The following DPP6 variants were observed in gnomAD, a reference collection of about 807,000 sequenced individuals.
DPP6 encodes the protein A-type potassium channel modulatory protein DPP6.
Under a neutral mutation model 122.6 loss-of-function variants are expected in DPP6, and 69 were observed. That is an observed-to-expected ratio of 0.56 (90% CI 0.46 to 0.69). DPP6 has a LOEUF of 0.69. Ranked by LOEUF, DPP6 falls within the 30% of genes least tolerant of loss-of-function variation. The pLI, the probability that DPP6 is intolerant of heterozygous loss-of-function variation, is 0.00. For synonymous variants in DPP6, 418 were observed against 433.1 expected, an observed-to-expected ratio of 0.97 and a Z score of 0.43; for missense variants, 928 against 1,116.9, an observed-to-expected ratio of 0.83 and a Z score of 2.41.
Position 154,807,129 on chromosome 7 carries a change from C to T in DPP6, c.1666+17C>T, listed in dbSNP as rs904000477. 6.2e-7 allele frequency: 1 copy of T among 1,610,620 alleles called. No homozygotes were observed. Among genetic ancestry groups the T allele is most frequent in the Non-Finnish European group, 8.5e-7 (1 of 1,179,340 alleles). On this transcript the variant is annotated intron_variant, in intron 16 of 25. Coordinates refer to ENST00000377770, the MANE Select transcript of DPP6 (RefSeq NM_130797.4). ...AGTGCGAAGGTCAGCTCCTGCCACC[C>T]CGTCAGGGCAAAGAGCCCTGGCAGG...
At chr7:154,469,010 C>G (rs939784218) in intron 2 of DPP6, among the ~76,000 whole-genome samples, 5 of 152,172 alleles carry the variant, frequency 3.3e-5, no homozygotes, top group African/African-American at 1.2e-4. Context: ...CAAATGCTCT[C>G]TTCATTCAAA....
chr7:154,786,178 T>G (rs971914383), intron 10 of DPP6, among the ~76,000 whole-genome samples: 1 of 152,216 alleles, frequency 6.6e-6, no homozygotes, highest in African/African-American at 2.4e-5. Flanking sequence ...AGGAAGTAAA[T>G]TTTCTGAATT....
chr7:153,760,100 A>T, the DPP6 span, among the ~76,000 whole-genome samples: 2 of 151,732 alleles, frequency 1.3e-5, no homozygotes, highest in Non-Finnish European at 2.9e-5. Flanking sequence ...CTCATTTTTA[A>T]ATTTATCTTT....
At chr7:154,383,886 T>C (rs1813849898) in intron 1 of DPP6, among the ~76,000 whole-genome samples, 1 of 75,368 alleles carries the variant, frequency 1.3e-5, no homozygotes. Context: ...TGAGACTCTG[T>C]CTCCAAAAAA....
chr7:154,036,225 C>A (rs1433479122), intron 1 of DPP6, among the ~76,000 whole-genome samples: 1 of 149,866 alleles, frequency 6.7e-6, no homozygotes. Flanking sequence ...ATTCTCCTGC[C>A]TCAGCCTTGC....
intron 3 of DPP6, among the ~76,000 whole-genome samples, chr7:154,535,125 A>T (rs1456879757): frequency 6.6e-6 from 1 of 152,186 alleles, no homozygotes; most frequent in Non-Finnish European, 1.5e-5. Context: ...GGAAAAAGAC[A>T]ATCTTTTCAA....
At chr7:154,415,524 A>C (rs781324956) in intron 1 of DPP6, among the ~76,000 whole-genome samples, 1 of 152,034 alleles carries the variant, frequency 6.6e-6, no homozygotes, top group Non-Finnish European at 1.5e-5. Flanking sequence ...TCTGCGGTAC[A>C]AGTGGCTATG....
intron 1 of DPP6, among the ~76,000 whole-genome samples, chr7:154,108,537 G>T (rs1333926688): frequency 6.6e-6 from 1 of 152,158 alleles, no homozygotes; most frequent in Non-Finnish European, 1.5e-5. Flanking sequence ...ATCCTTCCAT[G>T]CCCCATGCGG....
chr7:154,547,971 G>A (rs2130342984), intron 4 of DPP6, among the ~76,000 whole-genome samples: 1 of 152,282 alleles, frequency 6.6e-6, no homozygotes, highest in East Asian at 1.9e-4. Context: ...CACTTTGGGA[G>A]GCCGAGGCGG....
chr7:154,051,170 G>A (rs1191290550), upstream of DPP6, among the ~76,000 whole-genome samples: 2 of 124,480 alleles, frequency 1.6e-5, 1 homozygote, highest in African/African-American at 6.0e-5. Context: ...GAAGGAGCAG[G>A]GAGCCTTAGG....
At chr7:153,911,144 G>C (rs962189203) in intron 1 of DPP6, among the ~76,000 whole-genome samples, 4 of 152,170 alleles carry the variant, frequency 2.6e-5, no homozygotes, top group Non-Finnish European at 4.4e-5. Context: ...TAGCCTTGCT[G>C]GGGTCTCAGG....
intron 1 of DPP6, among the ~76,000 whole-genome samples, chr7:153,889,337 G>A (rs997769481): frequency 1.3e-5 from 2 of 152,188 alleles, no homozygotes; most frequent in African/African-American, 4.8e-5. Context: ...ATAGAAACGT[G>A]TATGGAGTAA....
rs79485399 is a variant in DPP6 at position 154,235,710 on chromosome 7, G to A, written c.243+182647G>A. Among the ~76,000 whole-genome samples, 1,032 of 151,804 alleles carry A rather than the reference G, an allele frequency of 6.8e-3. 16 individuals are homozygous for A. Among genetic ancestry groups the A allele is most frequent in the African/African-American group, 0.024 (971 of 41,216 alleles). On this transcript the variant is annotated intron_variant, in intron 1 of 25. Coordinates refer to ENST00000377770, the MANE Select transcript of DPP6 (RefSeq NM_130797.4). ...CTGTTTTTCTTTTTTTCCCCTTACT[G>A]CACAAACCAACTCGAAGTGATAATT...
intron 1 of DPP6, among the ~76,000 whole-genome samples, chr7:154,086,462 G>A (rs1029855462): frequency 1.4e-5 from 2 of 147,630 alleles, no homozygotes; most frequent in African/African-American, 2.5e-5. Context: ...AATCCACATG[G>A]CACTTGGACC....
chr7:154,887,440 A>G (rs1806243954), intron 22 of DPP6, among the ~76,000 whole-genome samples: 1 of 152,200 alleles, frequency 6.6e-6, no homozygotes, highest in Admixed American at 6.5e-5. Context: ...TGAAAATTGC[A>G]ACACCGGCAC....
At chr7:154,574,723 G>A (rs1284059180) in intron 5 of DPP6, among the ~76,000 whole-genome samples, 6 of 126,594 alleles carry the variant, frequency 4.7e-5, no homozygotes, top group Non-Finnish European at 1.0e-4. Flanking sequence ...GTGTGTGTGG[G>A]GTGTACGTGT....
intron 16 of DPP6, among the ~76,000 whole-genome samples, chr7:154,835,759 C>T (rs1205510544): frequency 6.6e-6 from 1 of 152,194 alleles, no homozygotes; most frequent in Non-Finnish European, 1.5e-5. Context: ...TTCTTTGCTT[C>T]CAAGACACAC....
At chr7:154,433,474 C>T (rs533357608) in intron 1 of DPP6, among the ~76,000 whole-genome samples, 44 of 151,948 alleles carry the variant, frequency 2.9e-4, no homozygotes, top group African/African-American at 1.0e-3. Context: ...CGGCCTCATA[C>T]TTCATTGTTT....
In DPP6 at chr7:154,297,139, T is replaced by A. The variant is rs1027335198; in HGVS notation, c.244-149075T>A. 2.6e-5 allele frequency among the ~76,000 whole-genome samples: 4 copies of A among 151,994 alleles called. No homozygotes were observed. In the South Asian group the frequency reaches 6.2e-4, roughly 24 times the overall value. On this transcript the variant is annotated intron_variant, in intron 1 of 25. Coordinates refer to ENST00000377770, the MANE Select transcript of DPP6 (RefSeq NM_130797.4). ...CTTTAATATCAGAAGATTTTTTTTT[T>A]ATTGAATTGTGGTACTGAGTGAAAT...
Sources: allele counts gnomAD v4.1 joint callset (sites outside exome capture counted in the v4.1 genomes callset), GRCh38; gene constraint gnomAD v4.1.1; transcripts MANE v1.5; gene names NCBI Gene and HGNC (gene_info 2026-07-23, HGNC 2026-07-21).